Variants in PRKG1 observed in about 807,000 individuals in gnomAD.
PRKG1 encodes the protein cGMP-dependent protein kinase 1.
Under a neutral mutation model 88.1 loss-of-function variants are expected in PRKG1, and 35 were observed. The ratio of observed to expected loss-of-function variants is 0.40; its 90% confidence interval spans 0.30 to 0.53. The LOEUF (loss-of-function observed/expected upper bound fraction) is 0.53. Ranked by LOEUF, PRKG1 falls within the 20% of genes least tolerant of loss-of-function variation. PRKG1 has a pLI of 0.59. For synonymous variants in PRKG1, 303 were observed against 292.5 expected (o/e 1.04, Z -0.37); for missense variants, 540 against 839.8 (o/e 0.64, Z 4.41).
intron 2 of PRKG1, among the ~76,000 whole-genome samples, chr10:51,452,338 G>A (rs1839460377): frequency 1.3e-5 from 2 of 151,854 alleles, no homozygotes. Flanking sequence ...TTGAATAGAA[G>A]TAGTACAAGT....
chr10:52,148,067 A>G (rs1564489882), intron 8 of PRKG1, among the ~76,000 whole-genome samples: 1 of 152,206 alleles, frequency 6.6e-6, no homozygotes, highest in African/African-American at 2.4e-5. Flanking sequence ...AAATCAGTGT[A>G]CTATGTAAGA....
At chr10:51,282,432 T>C (rs903366957) in intron 2 of PRKG1, among the ~76,000 whole-genome samples, 3 of 152,184 alleles carry the variant, frequency 2.0e-5, no homozygotes, top group Middle Eastern at 3.4e-3. Context: ...TAAGCAACAA[T>C]GCTTACAGAA....
At chr10:51,114,823 C>T (rs1845071674) in intron 1 of PRKG1, among the ~76,000 whole-genome samples, 1 of 151,956 alleles carries the variant, frequency 6.6e-6, no homozygotes, top group African/African-American at 2.4e-5. Flanking sequence ...TGACTTGGAG[C>T]CCAAGTAAAT....
intron 9 of PRKG1, among the ~76,000 whole-genome samples, chr10:52,224,611 C>CG: frequency 8.1e-6 from 1 of 123,778 alleles, no homozygotes; most frequent in African/African-American, 3.0e-5. Context: ...GACTCTTCCC[C>CG]CCAAGTCCCC....
Position 51,520,007 on chromosome 10 carries a change from T to A in PRKG1, c.592+52171T>A, listed in dbSNP as rs114904748. Among the ~76,000 whole-genome samples the A allele has an allele frequency of 3.7e-3, 568 of 152,248 alleles. 3 individuals carry two copies. Among genetic ancestry groups the A allele is most frequent in the African/African-American group, 0.013 (543 of 41,564 alleles). ...ACAAACCTATAAGGTGCATGCTATA[T>A]TTATAGATGATTTAGTTGATATCCA... On this transcript the variant is annotated intron_variant, in intron 3 of 17. Transcript: ENST00000373980.
intron 2 of PRKG1, among the ~76,000 whole-genome samples, chr10:51,181,738 T>C (rs1218077898): frequency 1.3e-5 from 2 of 152,198 alleles, no homozygotes; most frequent in Non-Finnish European, 2.9e-5. Context: ...TCTATTATAT[T>C]CATGTTACAA....
At chr10:52,101,101 A>G (rs895761096) in intron 7 of PRKG1, among the ~76,000 whole-genome samples, 5 of 152,156 alleles carry the variant, frequency 3.3e-5, no homozygotes, top group Non-Finnish European at 7.4e-5. Flanking sequence ...GCTTACTTTT[A>G]ATTTTCAGAA....
At chr10:51,566,586 G>T (rs546176827) in intron 3 of PRKG1, among the ~76,000 whole-genome samples, 1 of 152,068 alleles carries the variant, frequency 6.6e-6, no homozygotes, top group South Asian at 2.1e-4. Flanking sequence ...ATGGGGTTGG[G>T]GTGGGCAGGT....
chr10:51,871,961 A>C (rs754941378), intron 4 of PRKG1, among the ~76,000 whole-genome samples: 2 of 152,178 alleles, frequency 1.3e-5, no homozygotes, highest in Admixed American at 1.3e-4. Flanking sequence ...AAAGGATAAA[A>C]GTTGTATTTG....
chr10:51,905,084 A>G (rs1842056520), intron 4 of PRKG1, among the ~76,000 whole-genome samples: 2 of 152,210 alleles, frequency 1.3e-5, no homozygotes, highest in Admixed American at 6.6e-5. Context: ...TCTCAGAAGA[A>G]ACTGAAATAT....
intron 3 of PRKG1, among the ~76,000 whole-genome samples, chr10:51,700,855 A>G (rs1407875098): frequency 2.6e-5 from 4 of 152,238 alleles, no homozygotes; most frequent in Non-Finnish European, 4.4e-5. Flanking sequence ...TGGATATAGA[A>G]TCTACTTTTG....
chr10:51,283,365 C>A (rs1297177979), intron 2 of PRKG1, among the ~76,000 whole-genome samples: 1 of 151,944 alleles, frequency 6.6e-6, no homozygotes, highest in Non-Finnish European at 1.5e-5. Context: ...TGTTACATTG[C>A]CTGCAATTCT....
intron 1 of PRKG1, among the ~76,000 whole-genome samples, chr10:51,121,950 AT>A (rs1361270565): frequency 6.6e-6 from 1 of 152,172 alleles, no homozygotes; most frequent in Non-Finnish European, 1.5e-5. Flanking sequence ...TGTTGTGGTG[AT>A]TGTTGGCACT....
chr10:51,821,470 TA>T (rs570506830), intron 4 of PRKG1, among the ~76,000 whole-genome samples: 4 of 152,108 alleles, frequency 2.6e-5, no homozygotes, highest in South Asian at 2.1e-4. Flanking sequence ...CTAAAAAATA[TA>T]AAAAAAGAGG....
At chr10:51,319,525 G>C (rs7921782) in intron 2 of PRKG1, among the ~76,000 whole-genome samples, 22,731 of 152,078 alleles carry the variant, frequency 0.15, 1,758 homozygotes, top group Admixed American at 0.17. Flanking sequence ...CTGGTGAACA[G>C]CAAGGAGATT....
In PRKG1 at chr10:51,894,972, C is replaced by T. The variant is rs563142402; in HGVS notation, c.699-12535C>T. Among the ~76,000 whole-genome samples, 8 of 152,152 alleles carry T rather than the reference C, an allele frequency of 5.3e-5. No individual in the cohort carries two copies. The South Asian group carries it at 1.0e-3, about 20-fold the overall frequency. ...TCTGTTACACATGCTGCTATAGTTA[C>T]GATGATAAGGAAGATGCCTAACTGA... On this transcript the variant is annotated intron_variant, in intron 4 of 17. Transcript: ENST00000373980.
At chr10:51,392,913 C>A (rs1254186374) in intron 2 of PRKG1, among the ~76,000 whole-genome samples, 3 of 59,848 alleles carry the variant, frequency 5.0e-5, no homozygotes, top group African/African-American at 1.6e-4. Flanking sequence ...GGGGGCTGAC[C>A]ACCCCCACCT....
chr10:51,311,436 T>A (rs1841183672), intron 2 of PRKG1, among the ~76,000 whole-genome samples: 1 of 152,216 alleles, frequency 6.6e-6, no homozygotes, highest in Non-Finnish European at 1.5e-5. Context: ...CATGCAACAG[T>A]TTAGTGTAAC....
chr10:51,105,104 G>A (rs1203541209), intron 1 of PRKG1, among the ~76,000 whole-genome samples: 1 of 151,992 alleles, frequency 6.6e-6, no homozygotes, highest in Non-Finnish European at 1.5e-5. Flanking sequence ...CTTCTGGCCC[G>A]AAGTGATCTG....
Sources: gnomAD v4.1 joint callset for allele counts (sites outside exome capture counted in the v4.1 genomes callset) on GRCh38, gnomAD v4.1.1 for gene constraint, MANE v1.5 for transcripts, NCBI Gene and HGNC (gene_info 2026-07-23, HGNC 2026-07-21) for gene names.